ANKMY1: variants seen among roughly 807,000 people sequenced by gnomAD.
The protein encoded by ANKMY1 is ankyrin repeat and MYND domain containing 1.
ANKMY1 carries 98 observed loss-of-function variants against 102.0 expected under a neutral mutation model. That is an observed-to-expected ratio of 0.96 (90% CI 0.82 to 1.14). The LOEUF (loss-of-function observed/expected upper bound fraction) is 1.14. Among genes scored for constraint, ANKMY1 ranks in the 50% most tolerant of loss-of-function variants. The probability of loss-of-function intolerance (pLI) is 0.00; values close to 1 mark genes in which losing one functional copy is unlikely to be tolerated. For missense variants in ANKMY1, 1,330 were observed against 1,347.6 expected, an observed-to-expected ratio of 0.99 and a Z score of 0.20; for synonymous variants, 582 against 559.9, an observed-to-expected ratio of 1.04 and a Z score of -0.56.
rs141018794 is a variant in ANKMY1, at chr2:240,482,763, G to A, written c.2807-502C>T. 1.2e-4 allele frequency among the ~76,000 whole-genome samples: 19 copies of A among 152,342 alleles called. 1 individual carries two copies. In the East Asian group the frequency reaches 1.3e-3, roughly 11 times the overall value. Reference sequence around the variant, plus strand: ...CTCCAGTATGCTTGAGAAGAACACAGGTTCTGTTCCTGTTGGGTAGAGTGT... The same window carrying A: ...CTCCAGTATGCTTGAGAAGAACACAAGTTCTGTTCCTGTTGGGTAGAGTGT... On this transcript the variant is annotated intron_variant, in intron 15 of 17. Coordinates refer to ENST00000401804, the MANE Select transcript of ANKMY1 (RefSeq NM_001282771.3).
rs939492433 is a variant in ANKMY1, at chr2:240,506,249, C to T, written c.2526+1311G>A. Among the ~76,000 whole-genome samples the T allele has an allele frequency of 4.6e-5, 7 of 152,180 alleles. No homozygotes were observed. The highest frequency in any genetic ancestry group is 1.0e-4 in the Non-Finnish European group (7 of 68,036). On this transcript the variant is annotated intron_variant, in intron 13 of 17. Coordinates refer to ENST00000401804, the MANE Select transcript of ANKMY1 (RefSeq NM_001282771.3). The surrounding 1 kb of genome is among the most constrained non-coding windows in gnomAD (Gnocchi z 4.9). ...ACGCTGCCCCCTGAGCTGCCTCTCC[C>T]GTCTCGCGTCCTTTCTCTATTTACT...
In ANKMY1 at chr2:240,529,367, G is replaced by A. The variant is rs1170706510; in HGVS notation, c.623C>T (p.Pro208Leu). The change falls in exon 5 of 18, where the codon CCT becomes CTT. Residue 208 changes from proline to leucine, a missense_variant. By Grantham distance (98) the Pro-to-Leu change is moderately conservative. Transcript: ENST00000401804. This position sits in a 1 kb window ranked among gnomAD's most constrained non-coding sequence, Gnocchi z 4.2. Reference sequence around the variant, plus strand: ...GTGGGTGATGAAGCTGGAGAACTCAGGGTATCTGAGGAGGGAGAAGCCACT... The same window carrying A: ...GTGGGTGATGAAGCTGGAGAACTCAAGGTATCTGAGGAGGGAGAAGCCACT... Reference protein sequence around the residue: ...IPSGFSLLRYPEFSSFITHSP... With the variant: ...IPSGFSLLRYLEFSSFITHSP... The A allele has an allele frequency of 1.2e-6, 2 of 1,614,038 alleles. No individual in the cohort carries two copies. The highest frequency in any genetic ancestry group is 1.7e-6 in the Non-Finnish European group (2 of 1,180,052).
upstream of ANKMY1, chr2:240,560,731 C>T (rs781777697): frequency 3.3e-6 from 5 of 1,521,796 alleles, no homozygotes; most frequent in Non-Finnish European, 4.4e-6. Context: ...TCGCCCGTAC[C>T]TCCACCGTTG....
chr2:240,526,735 T>A (rs553811094), intron 5 of ANKMY1: 445 of 1,333,020 alleles, frequency 3.3e-4, no homozygotes, highest in Non-Finnish European at 4.1e-4. Flanking sequence ...CTCTGATTCA[T>A]CTGGGTGTTT....
chr2:240,537,111 C>G (rs1225105005), intron 4 of ANKMY1, among the ~76,000 whole-genome samples: 1 of 152,076 alleles, frequency 6.6e-6, no homozygotes, highest in East Asian at 1.9e-4. Flanking sequence ...CTCACAGCAG[C>G]CTGAGGAATG....
At chr2:240,482,327 A>G in intron 15 of ANKMY1, 66 bp from the exon 16 acceptor site, 1 of 1,452,862 alleles carries the variant, frequency 6.9e-7, no homozygotes, top group South Asian at 1.2e-5. Context: ...TGCAGAAGCC[A>G]CCTCCTTGCG....
intron 11 of ANKMY1, among the ~76,000 whole-genome samples, chr2:240,510,610 C>A (rs1234906630): frequency 2.0e-5 from 3 of 152,160 alleles, no homozygotes; most frequent in Non-Finnish European, 4.4e-5. Context: ...CTGGCCCAAC[C>A]ACCATGCACA....
At position 240,520,494 on chromosome 2, in the gene ANKMY1, G is replaced by A; in HGVS notation, c.1872C>T (p.Arg624=). Reference sequence around the variant, plus strand: ...AGCACAGGTTGGGGTCCGCGCCCCGGCGCAGCAGCAGCTTGATGGTCCGCC... The same window carrying A: ...AGCACAGGTTGGGGTCCGCGCCCCGACGCAGCAGCAGCTTGATGGTCCGCC... ...KRWRTIKLLL[R]RGADPNLCCV... is the part of the protein sequence containing the mutation. Residue 624 remains arginine (R), a synonymous_variant, in exon 9 of 18, where the codon CGC becomes CGT. Transcript: ENST00000401804. The surrounding 1 kb of genome is among the most constrained non-coding windows in gnomAD (Gnocchi z 4.8). 1 of 1,613,266 alleles carries A rather than the reference G, an allele frequency of 6.2e-7. No homozygotes were observed. The highest frequency in any genetic ancestry group is 1.1e-5 in the South Asian group (1 of 91,052).
downstream of ANKMY1, among the ~76,000 whole-genome samples, chr2:240,477,827 C>A (rs1216522521): frequency 6.6e-6 from 1 of 151,922 alleles, no homozygotes; most frequent in Admixed American, 6.6e-5. Flanking sequence ...TGGCCTAGTT[C>A]AGAACAGAGA....
chr2:240,539,910 C>G (rs553520422), intron 4 of ANKMY1, among the ~76,000 whole-genome samples: 1 of 152,188 alleles, frequency 6.6e-6, no homozygotes, highest in African/African-American at 2.4e-5. Flanking sequence ...TGCTATACCC[C>G]CTCCCTTTTG....
In ANKMY1 at chr2:240,506,091, G is replaced by A. The variant is rs996701058; in HGVS notation, c.2526+1469C>T. On this transcript the variant is annotated intron_variant, in intron 13 of 17. Coordinates refer to ENST00000401804, the MANE Select transcript of ANKMY1 (RefSeq NM_001282771.3). This position sits in a 1 kb window ranked among gnomAD's most constrained non-coding sequence, Gnocchi z 4.9. ...GGGGAGCCCCCTAACCCTGGACGAG[G>A]TGCTGGGGAGCCCCCAACCCTGGAC... Among the ~76,000 whole-genome samples the A allele has an allele frequency of 6.6e-6, 1 of 152,042 alleles. No individual in the cohort carries two copies. The highest frequency in any genetic ancestry group is 2.4e-5 in the African/African-American group (1 of 41,470).
chr2:240,531,858 T>TA (rs1289568290), intron 4 of ANKMY1, among the ~76,000 whole-genome samples: 1 of 152,208 alleles, frequency 6.6e-6, no homozygotes, highest in African/African-American at 2.4e-5. Flanking sequence ...GTTGGTTACT[T>TA]AAAATCAGTA....
At chr2:240,532,616 T>C (rs1452996400) in intron 4 of ANKMY1, among the ~76,000 whole-genome samples, 2 of 152,156 alleles carry the variant, frequency 1.3e-5, no homozygotes, top group African/African-American at 4.8e-5. Flanking sequence ...TAGACATAGA[T>C]ATAAAGCCAC....
chr2:240,512,496 G>A (rs1256410200), intron 10 of ANKMY1, among the ~76,000 whole-genome samples: 6 of 152,170 alleles, frequency 3.9e-5, no homozygotes, highest in Non-Finnish European at 8.8e-5. Flanking sequence ...ATGAACCTTC[G>A]GAAAGGCGTG....
intron 4 of ANKMY1, among the ~76,000 whole-genome samples, chr2:240,534,724 G>T (rs557499701): frequency 1.3e-5 from 2 of 152,284 alleles, no homozygotes; most frequent in East Asian, 1.9e-4. Flanking sequence ...AGAATTATAA[G>T]AATAATAAAT....
downstream of ANKMY1, among the ~76,000 whole-genome samples, chr2:240,477,731 G>A (rs1029586934): frequency 5.9e-5 from 9 of 152,052 alleles, no homozygotes; most frequent in South Asian, 2.1e-4. Context: ...TTAAATAAGC[G>A]TATATTGCAT....
Position 240,520,553 on chromosome 2 carries a change from C to G in ANKMY1, c.1833-20G>C. 1 of 1,602,596 alleles carries G rather than the reference C, an allele frequency of 6.2e-7. No individual in the cohort carries two copies. Among genetic ancestry groups the G allele is most frequent in the Non-Finnish European group, 8.5e-7 (1 of 1,174,090 alleles). On this transcript the variant is annotated intron_variant, in intron 8 of 17. Coordinates refer to ENST00000401804, the MANE Select transcript of ANKMY1 (RefSeq NM_001282771.3). The surrounding 1 kb of genome is among the most constrained non-coding windows in gnomAD (Gnocchi z 4.8). ...CTCCGCCTGAAAAAGACGGTGCGCC[C>G]GTGGGCCCCTGGAGGGCAGGCACCT...
At chr2:240,500,685 G>A in intron 13 of ANKMY1, 120 bp from the exon 14 acceptor site, 2 of 752,546 alleles carry the variant, frequency 2.7e-6, no homozygotes, top group Non-Finnish European at 4.4e-6. Context: ...CCCTTGCAGT[G>A]TGCGGGAATG....
At chr2:240,525,988 G>A in intron 6 of ANKMY1, 139 bp from the exon 7 acceptor site, 1 of 1,157,926 alleles carries the variant, frequency 8.6e-7, no homozygotes, top group Admixed American at 2.1e-5. Flanking sequence ...CTTGGCAAAG[G>A]GACAAGTGTG....
Sources: allele counts gnomAD v4.1 joint callset (sites outside exome capture counted in the v4.1 genomes callset), GRCh38; gene constraint gnomAD v4.1.1; non-coding constraint Gnocchi (gnomAD v3.1); transcripts MANE v1.5; gene names NCBI Gene and HGNC (gene_info 2026-07-23, HGNC 2026-07-21).